The following PATJ variants were observed in gnomAD, a reference collection of about 807,000 sequenced individuals.
The protein encoded by PATJ is PATJ crumbs cell polarity complex component.
PATJ carries 190 observed loss-of-function variants against 224.9 expected under a neutral mutation model. The ratio of observed to expected loss-of-function variants is 0.84; its 90% CI spans 0.75 to 0.95. The LOEUF is 0.95. Ranked by LOEUF, PATJ falls within the 40% of genes least tolerant of loss-of-function variation. The probability of loss-of-function intolerance (pLI) is 0.00; values close to 1 mark genes in which losing one functional copy is unlikely to be tolerated. For synonymous variants in PATJ, 769 were observed against 820.3 expected (o/e 0.94, Z 1.07); for missense variants, 2,121 against 2,270.3 (o/e 0.93, Z 1.34).
intron 20 of PATJ, among the ~76,000 whole-genome samples, chr1:61,872,198 T>A (rs1571026773): frequency 6.6e-6 from 1 of 152,206 alleles, no homozygotes; most frequent in Admixed American, 6.6e-5. Context: ...CTCACTGTTT[T>A]CTGTAAGAAG....
intron 33 of PATJ, among the ~76,000 whole-genome samples, chr1:62,108,053 G>A (rs1416555116): frequency 6.6e-6 from 1 of 152,076 alleles, no homozygotes; most frequent in Non-Finnish European, 1.5e-5. Flanking sequence ...CCTTCATCAG[G>A]CCACACATCT....
chr1:61,859,629 G>GT (rs1486348158), intron 18 of PATJ, among the ~76,000 whole-genome samples: 1 of 150,774 alleles, frequency 6.6e-6, no homozygotes, highest in African/African-American at 2.4e-5. Flanking sequence ...TTTTGTTGTT[G>GT]TTTTTTGAGA....
Position 62,148,315 on chromosome 1 carries a change from C to T in PATJ, c.5303C>T (p.Ala1768Val). 1 of 1,613,786 alleles carries T rather than the reference C, an allele frequency of 6.2e-7. No individual in the cohort carries two copies. The highest frequency in any genetic ancestry group is 8.5e-7 in the Non-Finnish European group (1 of 1,179,854). The change falls in exon 42 of 44, where the codon GCA becomes GTA. Residue 1768 changes from alanine to valine, a missense_variant. Ala to Val is a moderately conservative substitution (Grantham distance 64). Coordinates refer to ENST00000642238, the MANE Select transcript of PATJ (RefSeq NM_001350145.3). ...GCAGATACCAATATAAGCGCCATAG[C>T]AGCTCAGCTTGAAAACATGTCTACA... is the stretch of plus-strand genomic sequence containing the variant. ...VVADTNISAI[A>V]AQLENMSTGY...
intron 17 of PATJ, among the ~76,000 whole-genome samples, chr1:61,855,135 A>G (rs982315002): frequency 6.6e-6 from 1 of 152,152 alleles, no homozygotes; most frequent in African/African-American, 2.4e-5. Flanking sequence ...CCCATTTTAT[A>G]TTTATGATTA....
At position 62,043,532 on chromosome 1, in the gene PATJ, G is replaced by C. The variant is rs181082841; in HGVS notation, c.4032+5483G>C. On this transcript the variant is annotated intron_variant, in intron 30 of 43. Coordinates refer to ENST00000642238, the MANE Select transcript of PATJ (RefSeq NM_001350145.3). ...AGGCTTAGCACTATTCCTGGCACAT[G>C]ATAAGACCTCATTTTTGTTGTGATT... is the stretch of plus-strand genomic sequence containing the variant. 2.5e-3 allele frequency among the ~76,000 whole-genome samples: 384 copies of C among 152,248 alleles called. 3 individuals are homozygous for C. The highest frequency in any genetic ancestry group is 8.9e-3 in the African/African-American group (370 of 41,542).
intron 1 of PATJ, among the ~76,000 whole-genome samples, chr1:61,754,518 ATG>A (rs1491327117): frequency 0.1 from 11,069 of 108,012 alleles, 445 homozygotes; most frequent in Middle Eastern, 0.14. Flanking sequence ...AATTTTTTGC[ATG>A]TTTTTTTTTT....
chr1:62,147,305 G>GC (rs1668134098), intron 41 of PATJ, among the ~76,000 whole-genome samples: 2 of 60,532 alleles, frequency 3.3e-5, no homozygotes, highest in Admixed American at 1.9e-4. Flanking sequence ...ATGGCCAGAA[G>GC]TGTGGAAAAT....
chr1:61,905,708 T>G (rs1428656667), intron 24 of PATJ, among the ~76,000 whole-genome samples: 1 of 152,202 alleles, frequency 6.6e-6, no homozygotes, highest in African/African-American at 2.4e-5. Context: ...CCGTTTTACA[T>G]TCACACCAGC....
At chr1:61,800,070 T>C (rs529446834) in intron 11 of PATJ, among the ~76,000 whole-genome samples, 1 of 152,344 alleles carries the variant, frequency 6.6e-6, no homozygotes, top group East Asian at 1.9e-4. Context: ...TACATGTGTC[T>C]TTTTGATAGA....
chr1:61,750,125 G>C (rs1260656991), intron 1 of PATJ, among the ~76,000 whole-genome samples: 1 of 152,186 alleles, frequency 6.6e-6, no homozygotes, highest in Non-Finnish European at 1.5e-5. Flanking sequence ...TGTCTGTATT[G>C]ATTGCTTGCA....
Position 61,914,650 on chromosome 1 carries a change from GA to G in PATJ, c.3560del (p.Lys1187ArgfsTer13). On this transcript the variant is annotated frameshift_variant, in exon 26 of 44. Coordinates refer to ENST00000642238, the MANE Select transcript of PATJ (RefSeq NM_001350145.3). LOFTEE classifies it high-confidence loss of function. ...CGGTAACCAGAACCAGGACACCCAA[GA>G]AAAGAAAGAAAAGGTAACTTGAACC... ...ITGNQNQDTQ[E>X]KKEKRQGTAP... 1 of 1,568,612 alleles carries G rather than the reference GA, an allele frequency of 6.4e-7. No homozygotes were observed. The highest frequency in any genetic ancestry group is 8.8e-7 in the Non-Finnish European group (1 of 1,140,740).
chr1:62,116,726 A>C, intron 36 of PATJ, 47 bp downstream of exon 36: 1 of 1,565,208 alleles, frequency 6.4e-7, no homozygotes, highest in Non-Finnish European at 8.7e-7. Context: ...ACTGAAGTCC[A>C]GTGGGAACTG....
rs770150166 is a variant in PATJ, at chr1:61,775,252, C to G, written c.767C>G (p.Ser256Cys). Residue 256 changes from serine (S) to cysteine (C), a missense_variant, in exon 7 of 44, where the codon TCT (serine) becomes TGT (cysteine). Ser to Cys is a moderately radical substitution (Grantham distance 112, BLOSUM62 -1). Transcript: ENST00000642238. Reference sequence around the variant, plus strand: ...GAGGTTGAGCTCATTAATGATGGCTCTGGACTAGGTTTTGGAATAGTTGGA... The same window carrying G: ...GAGGTTGAGCTCATTAATGATGGCTGTGGACTAGGTTTTGGAATAGTTGGA... ...VEEVELINDG[S>C]GLGFGIVGGK... The G allele has an allele frequency of 3.7e-5, 59 of 1,613,518 alleles. No individual in the cohort carries two copies. Among genetic ancestry groups the G allele is most frequent in the Non-Finnish European group, 4.9e-5 (58 of 1,179,788 alleles).
intron 16 of PATJ, among the ~76,000 whole-genome samples, chr1:61,828,773 T>C (rs1658791037): frequency 6.6e-6 from 1 of 152,148 alleles, no homozygotes; most frequent in Non-Finnish European, 1.5e-5. Flanking sequence ...CTTTTCAATC[T>C]CTTTTAGGTT....
At chr1:61,914,490 A>G in intron 25 of PATJ, 97 bp from the exon 26 acceptor site, 1 of 582,036 alleles carries the variant, frequency 1.7e-6, no homozygotes, top group South Asian at 2.2e-5. Context: ...TAATGATTGA[A>G]AAAAAATTCT....
intron 24 of PATJ, among the ~76,000 whole-genome samples, chr1:61,902,078 G>A (rs572514638): frequency 3.3e-5 from 5 of 152,112 alleles, no homozygotes; most frequent in South Asian, 4.2e-4. Flanking sequence ...AAAATCAGCC[G>A]GGCGTAGTGG....
At chr1:61,994,523 G>T (rs974627943) in intron 28 of PATJ, among the ~76,000 whole-genome samples, 1 of 151,748 alleles carries the variant, frequency 6.6e-6, no homozygotes, top group Non-Finnish European at 1.5e-5. Context: ...ATCCTGAAGA[G>T]CTGGGAGAAT....
At position 61,801,689 on chromosome 1, in the gene PATJ, A is replaced by C; in HGVS notation, c.1469A>C (p.Asn490Thr). Residue 490 changes from asparagine to threonine, a missense_variant, in exon 12 of 44, where the codon AAT becomes ACT. Asn to Thr is a moderately conservative substitution (Grantham distance 65, BLOSUM62 0). Coordinates refer to ENST00000642238, the MANE Select transcript of PATJ (RefSeq NM_001350145.3). The part of the protein sequence containing the change: ...FLTGAVETET[N>T]VDGEDEEIKE... Reference sequence around the variant, plus strand: ...ACTGGAGCAGTGGAAACTGAAACTAATGTGGATGGTGAAGATGAGGAAATT... The same window carrying C: ...ACTGGAGCAGTGGAAACTGAAACTACTGTGGATGGTGAAGATGAGGAAATT... 6.2e-7 allele frequency: 1 copy of C among 1,601,514 alleles called. No individual in the cohort carries two copies. Among genetic ancestry groups the C allele is most frequent in the Non-Finnish European group, 8.5e-7 (1 of 1,170,674 alleles).
At chr1:61,840,897 G>A (rs1364849215) in intron 17 of PATJ, among the ~76,000 whole-genome samples, 2 of 151,976 alleles carry the variant, frequency 1.3e-5, no homozygotes, top group Non-Finnish European at 1.5e-5. Flanking sequence ...ACTTAAAATG[G>A]ATCCTTTCTT....
Sources: allele counts gnomAD v4.1 joint callset (sites outside exome capture counted in the v4.1 genomes callset), GRCh38; gene constraint gnomAD v4.1.1; transcripts MANE v1.5; gene names NCBI Gene and HGNC (gene_info 2026-07-23, HGNC 2026-07-21).